NUP58: variants seen among roughly 807,000 people sequenced by gnomAD.
The protein encoded by NUP58 is nucleoporin p58/p45.
A neutral mutation model predicts 70.1 loss-of-function variants in NUP58; 17 were observed. The observed-to-expected ratio is 0.24, with a 90% CI of 0.17 to 0.36. The LOEUF is 0.36. NUP58 is among the 10% of genes least tolerant of loss of function. NUP58 has a pLI of 1.00. For synonymous variants in NUP58, 275 were observed against 257.6 expected, an observed-to-expected ratio of 1.07 and a Z score of -0.65; for missense variants, 644 against 701.5, an observed-to-expected ratio of 0.92 and a Z score of 0.93.
rs2137823126 is a variant in NUP58, at chr13:25,334,207, TGTCTATAA to T, written c.1435+2652_1435+2659del. 4.1e-6 allele frequency: 4 copies of T among 985,396 alleles called. No homozygotes were observed. The South Asian group carries it at 1.9e-4, about 46-fold the overall frequency. 61.0% of individuals were successfully genotyped at this position (985,396 alleles called of 1,614,324 possible). On this transcript the variant is annotated intron_variant, in intron 13 of 15. Transcript: ENST00000381736. ...TTCCATGTTGGCAGAACTTGACACT[TGTCTATAA>T]GTGCTTCCCAAGCCTCCTGAAAAAC...
chr13:25,322,385 T>A (rs972826778), intron 9 of NUP58, among the ~76,000 whole-genome samples: 1 of 152,236 alleles, frequency 6.6e-6, no homozygotes, highest in Non-Finnish European at 1.5e-5. Flanking sequence ...TTATTGTCTG[T>A]CCTCAGACTT....
At chr13:25,330,622 G>A (rs2031567888) in intron 12 of NUP58, among the ~76,000 whole-genome samples, 1 of 152,186 alleles carries the variant, frequency 6.6e-6, no homozygotes, top group South Asian at 2.1e-4. Flanking sequence ...AAACAGAATT[G>A]TTGCTGTTGA....
chr13:25,304,741 GCTGGTCTCAAACTC>G (rs1375388211), intron 1 of NUP58, among the ~76,000 whole-genome samples: 1 of 151,236 alleles, frequency 6.6e-6, no homozygotes, highest in Non-Finnish European at 1.5e-5. Flanking sequence ...TGTTGGCCAG[GCTGGTCTCAAACTC>G]CTGACTTCAG....
At chr13:25,343,642 G>A (rs557402698), downstream of NUP58, among the ~76,000 whole-genome samples, 72 of 151,454 alleles carry the variant, frequency 4.8e-4, no homozygotes, top group African/African-American at 1.5e-3. Flanking sequence ...GATTTAAGTA[G>A]AGATGTATTT....
At chr13:25,308,075 T>A (rs565528843) in intron 2 of NUP58, 127 bp downstream of exon 2, 25 of 1,018,614 alleles carry the variant, frequency 2.5e-5, no homozygotes, top group Non-Finnish European at 3.2e-5. Flanking sequence ...AATGCTAAGA[T>A]GAAAAGAAAT....
chr13:25,346,041 C>G (rs1048808001), downstream of NUP58, among the ~76,000 whole-genome samples: 2 of 152,182 alleles, frequency 1.3e-5, no homozygotes, highest in Admixed American at 1.3e-4. Flanking sequence ...ATCACCACCC[C>G]TCTTTTAATC....
At chr13:25,308,728 T>G (rs2030506096) in intron 2 of NUP58, among the ~76,000 whole-genome samples, 1 of 152,198 alleles carries the variant, frequency 6.6e-6, no homozygotes, top group South Asian at 2.1e-4. Flanking sequence ...TTGTTTTTAG[T>G]ACAGCTGGAA....
At chr13:25,314,212 C>T (rs1593181564) in intron 5 of NUP58, among the ~76,000 whole-genome samples, 1 of 151,924 alleles carries the variant, frequency 6.6e-6, no homozygotes, top group Admixed American at 6.6e-5. Context: ...AGATTACAGG[C>T]GTAAGCCACC....
chr13:25,324,896 A>G, intron 9 of NUP58, 93 bp from the exon 10 acceptor site: 2 of 809,664 alleles, frequency 2.5e-6, no homozygotes, highest in Non-Finnish European at 4.1e-6. Flanking sequence ...TTGAAGTTTC[A>G]GTCCAGAGAC....
In NUP58 at chr13:25,312,864, C is replaced by T. The variant is rs992879200; in HGVS notation, c.287-19C>T. 1.3e-6 allele frequency: 2 copies of T among 1,565,464 alleles called. No homozygotes were observed. The highest frequency in any genetic ancestry group is 1.9e-5 in the Admixed American group (1 of 53,338). The stretch of plus-strand genomic sequence containing the variant: ...TAGGATTTTTGTTTGTTTGTTTATT[C>T]ATTTATTTATTTAAATAGGAACGCC... On this transcript the variant is annotated intron_variant, in intron 3 of 15. Coordinates refer to ENST00000381736, the MANE Select transcript of NUP58 (RefSeq NM_014089.4).
intron 4 of NUP58, among the ~76,000 whole-genome samples, chr13:25,313,390 C>G (rs536684367): frequency 2.0e-5 from 3 of 152,264 alleles, no homozygotes; most frequent in Admixed American, 2.0e-4. Flanking sequence ...AATCAGTTAC[C>G]TGGTACCATT....
At position 25,327,442 on chromosome 13, in the gene NUP58, C is replaced by T; in HGVS notation, c.1163C>T (p.Ala388Val). 6.2e-7 allele frequency: 1 copy of T among 1,603,030 alleles called. No individual in the cohort carries two copies. The highest frequency in any genetic ancestry group is 8.5e-7 in the Non-Finnish European group (1 of 1,171,432). ...TTTTCTTTTATAGATTTGTCAATGG[C>T]TATGCAGAAAATTTATCAAACATTT... ...SHITPQDLSM[A>V]MQKIYQTFVA... The change falls in exon 12 of 16, where the codon GCT (alanine) becomes GTT (valine). Residue 388 changes from alanine (A) to valine (V), a missense_variant. Ala to Val is a moderately conservative substitution (Grantham distance 64, BLOSUM62 0). Coordinates refer to ENST00000381736, the MANE Select transcript of NUP58 (RefSeq NM_014089.4).
intron 2 of NUP58, among the ~76,000 whole-genome samples, chr13:25,308,738 A>G (rs2030506235): frequency 6.6e-6 from 1 of 152,202 alleles, no homozygotes; most frequent in African/African-American, 2.4e-5. Flanking sequence ...TACAGCTGGA[A>G]AAATAATGTT....
chr13:25,332,672 G>A (rs1186546675), intron 13 of NUP58: 1 of 985,338 alleles, frequency 1.0e-6, no homozygotes, highest in African/African-American at 1.7e-5. Context: ...CATAAGTAAA[G>A]GGTTGATGAT....
At chr13:25,348,492 G>A (rs1260993310) in intron 3 of NUP58, among the ~76,000 whole-genome samples, 1 of 152,070 alleles carries the variant, frequency 6.6e-6, no homozygotes, top group Non-Finnish European at 1.5e-5. Flanking sequence ...GCCCAGGCTG[G>A]TCTTGAACTC....
At chr13:25,311,770 G>A (rs1411990827) in intron 3 of NUP58, among the ~76,000 whole-genome samples, 1 of 149,932 alleles carries the variant, frequency 6.7e-6, no homozygotes, top group East Asian at 2.0e-4. Flanking sequence ...TGCTGTTGTA[G>A]TAGTTCTTAA....
downstream of NUP58, among the ~76,000 whole-genome samples, chr13:25,343,202 TC>T (rs1179131241): frequency 6.6e-6 from 1 of 151,944 alleles, no homozygotes; most frequent in Non-Finnish European, 1.5e-5. Context: ...GTTCCCATAG[TC>T]CATTGTATCA....
At chr13:25,313,154 G>A (rs1288644414) in intron 4 of NUP58, 122 bp downstream of exon 4, 14 of 1,168,670 alleles carry the variant, frequency 1.2e-5, no homozygotes, top group Non-Finnish European at 1.7e-5. Context: ...ATTCAGCTTT[G>A]AGCATTGAAG....
In NUP58 at chr13:25,341,263, TTGC is replaced by T. The variant is rs1247765854; in HGVS notation, c.*1131_*1133del. On this transcript the variant is annotated 3_prime_UTR_variant, in exon 16 of 16. Transcript: ENST00000381736. Reference sequence around the variant, plus strand: ...TTTTATTATCCTGTGTGTCCTTACATTGCTTCTGTGAGATGTTTTTTTCTTATC... The same window carrying T: ...TTTTATTATCCTGTGTGTCCTTACATTTCTGTGAGATGTTTTTTTCTTATC... The T allele has an allele frequency of 3.3e-5, 5 of 152,750 alleles. No individual in the cohort carries two copies. The highest frequency in any genetic ancestry group is 7.4e-5 in the Non-Finnish European group (5 of 68,012). The allele number at this position is 152,750 out of a possible 1,614,324, so 9.5% of individuals were successfully genotyped here.
Sources: gnomAD v4.1 joint callset for allele counts (sites outside exome capture counted in the v4.1 genomes callset) on GRCh38, gnomAD v4.1.1 for gene constraint, MANE v1.5 for transcripts, NCBI Gene and HGNC (gene_info 2026-07-23, HGNC 2026-07-21) for gene names.